The following ROR1 variants were observed in gnomAD, a reference collection of about 807,000 sequenced individuals.
The protein encoded by ROR1 is inactive tyrosine-protein kinase transmembrane receptor ROR1.
Under a neutral mutation model 78.8 loss-of-function variants are expected in ROR1, and 19 were observed. That is an observed-to-expected ratio of 0.24 (90% CI 0.17 to 0.35). ROR1 has a LOEUF of 0.35. Ranked by LOEUF, ROR1 falls within the 10% of genes least tolerant of loss-of-function variation. The pLI is 1.00. For synonymous variants in ROR1, 386 were observed against 433.6 expected (o/e 0.89, Z 1.36); for missense variants, 917 against 1,177.8 (o/e 0.78, Z 3.24).
intron 2 of ROR1, among the ~76,000 whole-genome samples, chr1:64,042,870 T>TTC (rs1339002616): frequency 6.6e-6 from 1 of 152,232 alleles, no homozygotes; most frequent in Admixed American, 6.5e-5. Context: ...GAACAGAATG[T>TTC]TCTCTCCAAG....
chr1:63,976,841 G>A (rs1646165118), intron 1 of ROR1, among the ~76,000 whole-genome samples: 1 of 151,970 alleles, frequency 6.6e-6, no homozygotes, highest in African/African-American at 2.4e-5. Flanking sequence ...ACAGGACATG[G>A]GTCTAAACAC....
intron 4 of ROR1, among the ~76,000 whole-genome samples, chr1:64,128,314 A>ATT (rs1648789131): frequency 2.1e-5 from 3 of 142,014 alleles, no homozygotes; most frequent in Non-Finnish European, 3.1e-5. Flanking sequence ...AAAAAAAGTA[A>ATT]AAAAACTAGC....
At chr1:64,080,615 G>A (rs1292997173) in intron 4 of ROR1, among the ~76,000 whole-genome samples, 1 of 152,180 alleles carries the variant, frequency 6.6e-6, no homozygotes, top group African/African-American at 2.4e-5. Context: ...GTCACTTTTG[G>A]TTAGGGTCCA....
At chr1:64,116,948 A>T (rs1462323013) in intron 4 of ROR1, among the ~76,000 whole-genome samples, 1 of 152,170 alleles carries the variant, frequency 6.6e-6, no homozygotes, top group Non-Finnish European at 1.5e-5. Flanking sequence ...AACATTTTAT[A>T]TCTTGTCTCT....
intron 2 of ROR1, among the ~76,000 whole-genome samples, chr1:64,017,106 C>A (rs759733925): frequency 1.1e-4 from 16 of 151,888 alleles, no homozygotes; most frequent in East Asian, 1.9e-4. Context: ...GGGGTCTCAC[C>A]ATGTTTCCCA....
At chr1:63,939,152 C>A (rs909725861) in intron 1 of ROR1, among the ~76,000 whole-genome samples, 1 of 152,124 alleles carries the variant, frequency 6.6e-6, no homozygotes, top group Non-Finnish European at 1.5e-5. Context: ...GTTTCTGAAC[C>A]AATTGAGAAG....
At chr1:64,143,408 G>A (rs1316670572) in intron 7 of ROR1, 1 of 981,578 alleles carries the variant, frequency 1.0e-6, no homozygotes. Context: ...CTGGAGTTAG[G>A]AACTATTTTG....
At chr1:64,125,882 T>G (rs1205310751) in intron 4 of ROR1, among the ~76,000 whole-genome samples, 5 of 152,178 alleles carry the variant, frequency 3.3e-5, no homozygotes, top group African/African-American at 9.6e-5. Context: ...CCAAGTTATA[T>G]GTACTAGACT....
chr1:63,821,469 A>G (rs1452030428), intron 1 of ROR1, among the ~76,000 whole-genome samples: 1 of 152,236 alleles, frequency 6.6e-6, no homozygotes, highest in African/African-American at 2.4e-5. Context: ...GAAGAAAATC[A>G]TAGTGAGTTG....
At chr1:63,906,195 CAG>C (rs921619151) in intron 1 of ROR1, among the ~76,000 whole-genome samples, 21 of 152,138 alleles carry the variant, frequency 1.4e-4, no homozygotes, top group Non-Finnish European at 2.4e-4. Flanking sequence ...GTGAACGTTT[CAG>C]AGTCAACTGC....
intron 1 of ROR1, among the ~76,000 whole-genome samples, chr1:63,886,784 C>A (rs1645360293): frequency 6.6e-6 from 1 of 152,188 alleles, no homozygotes; most frequent in Non-Finnish European, 1.5e-5. Flanking sequence ...TACTCGACCA[C>A]CCACCTCCAC....
At chr1:64,048,686 ATACT>A (rs1405090807) in intron 2 of ROR1, among the ~76,000 whole-genome samples, 3 of 152,228 alleles carry the variant, frequency 2.0e-5, no homozygotes, top group African/African-American at 7.2e-5. Flanking sequence ...TGATGTTTAA[ATACT>A]TGATTGAAGA....
rs1369475539 is a variant in ROR1, at chr1:63,806,559, C to T, written c.91+32051C>T. 3.9e-5 allele frequency among the ~76,000 whole-genome samples: 6 copies of T among 152,258 alleles called. 1 individual carries two copies. The highest frequency in any genetic ancestry group is 4.1e-4 in the South Asian group (2 of 4,828). On this transcript the variant is annotated intron_variant, in intron 1 of 8. Coordinates refer to ENST00000371079, the MANE Select transcript of ROR1 (RefSeq NM_005012.4). ...GTCTCGATCTCCTGACCTTGTGATCCGCCCGCCCTGGCCTCCCAAAGTGCT... is the reference window on the plus strand; with the variant it reads ...GTCTCGATCTCCTGACCTTGTGATCTGCCCGCCCTGGCCTCCCAAAGTGCT...
chr1:64,107,381 AATT>A (rs1435553469), intron 4 of ROR1, among the ~76,000 whole-genome samples: 6 of 152,210 alleles, frequency 3.9e-5, no homozygotes, highest in African/African-American at 1.4e-4. Flanking sequence ...CAAATGTGAG[AATT>A]ATTATGAGCA....
chr1:63,906,460 A>G (rs974728574), intron 1 of ROR1, among the ~76,000 whole-genome samples: 5 of 152,162 alleles, frequency 3.3e-5, no homozygotes, highest in Admixed American at 6.5e-5. Context: ...GCTTGTGGCT[A>G]TTCAGGCCTG....
chr1:64,120,091 C>G (rs1648473452), intron 4 of ROR1, among the ~76,000 whole-genome samples: 1 of 152,210 alleles, frequency 6.6e-6, no homozygotes, highest in East Asian at 1.9e-4. Context: ...TCCAAAGACG[C>G]AATGTGCACT....
At chr1:64,133,356 G>A (rs533979875) in intron 4 of ROR1, among the ~76,000 whole-genome samples, 1 of 152,296 alleles carries the variant, frequency 6.6e-6, no homozygotes, top group South Asian at 2.1e-4. Context: ...TGAAGTCTCT[G>A]CAGAACAGCA....
chr1:64,148,719 A>C (rs1028039683), intron 7 of ROR1, among the ~76,000 whole-genome samples: 2 of 152,168 alleles, frequency 1.3e-5, no homozygotes, highest in African/African-American at 4.8e-5. Flanking sequence ...ACAATCAAAT[A>C]TGGCTGTTGT....
chr1:64,012,387 G>C (rs985827055), intron 2 of ROR1, among the ~76,000 whole-genome samples: 3 of 152,154 alleles, frequency 2.0e-5, no homozygotes, highest in Non-Finnish European at 4.4e-5. Flanking sequence ...TGTGGGAGTG[G>C]GGTTGAGGTT....
Sources: allele counts gnomAD v4.1 joint callset (sites outside exome capture counted in the v4.1 genomes callset), GRCh38; gene constraint gnomAD v4.1.1; transcripts MANE v1.5; gene names NCBI Gene and HGNC (gene_info 2026-07-23, HGNC 2026-07-21).